SGCD: variants seen among roughly 807,000 people sequenced by gnomAD.
The protein encoded by SGCD is delta-sarcoglycan.
Under a neutral mutation model 36.6 loss-of-function variants are expected in SGCD, and 18 were observed. That is an observed-to-expected ratio of 0.49 (90% CI 0.34 to 0.73). The LOEUF is 0.73. SGCD is among the 30% of genes least tolerant of loss of function. The probability of loss-of-function intolerance (pLI) is 0.01; values close to 1 mark genes in which losing one functional copy is unlikely to be tolerated. For synonymous variants in SGCD, 133 were observed against 130.6 expected, an observed-to-expected ratio of 1.02 and a Z score of -0.12; for missense variants, 387 against 346.7, an observed-to-expected ratio of 1.12 and a Z score of -0.92.
chr5:156,536,289 G>A (rs1581132507), intron 4 of SGCD, among the ~76,000 whole-genome samples: 1 of 152,254 alleles, frequency 6.6e-6, no homozygotes, highest in East Asian at 1.9e-4. Flanking sequence ...TTGGTCTCTA[G>A]TTAGTGTGTG....
chr5:156,153,374 G>T (rs1157740098), intron 3 of SGCD, among the ~76,000 whole-genome samples: 1 of 151,344 alleles, frequency 6.6e-6, no homozygotes, highest in Non-Finnish European at 1.5e-5. Context: ...TTTAAAAACT[G>T]CATTTGCATT....
At chr5:155,960,302 A>G (rs551890145) in intron 1 of SGCD, among the ~76,000 whole-genome samples, 49 of 152,120 alleles carry the variant, frequency 3.2e-4, no homozygotes, top group Middle Eastern at 3.4e-3. Context: ...GGCCCAGGGG[A>G]GGCACTCAAA....
chr5:156,752,684 G>T (rs893720295), intron 7 of SGCD, among the ~76,000 whole-genome samples: 1 of 152,140 alleles, frequency 6.6e-6, no homozygotes, highest in East Asian at 1.9e-4. Flanking sequence ...GTGAGCTACC[G>T]TGCCGGCCAG....
At chr5:156,188,821 C>T (rs1166183287) in intron 3 of SGCD, among the ~76,000 whole-genome samples, 1 of 152,108 alleles carries the variant, frequency 6.6e-6, no homozygotes, top group Non-Finnish European at 1.5e-5. Flanking sequence ...TGAACAGACC[C>T]TTTTACAAAT....
chr5:155,984,441 G>T (rs1758289891), intron 1 of SGCD, among the ~76,000 whole-genome samples: 1 of 152,184 alleles, frequency 6.6e-6, no homozygotes, highest in African/African-American at 2.4e-5. Flanking sequence ...GGAACAGCTT[G>T]AGTATCATTT....
intron 3 of SGCD, among the ~76,000 whole-genome samples, chr5:156,223,225 G>A (rs1226909136): frequency 3.3e-5 from 5 of 152,034 alleles, no homozygotes; most frequent in Admixed American, 6.6e-5. Flanking sequence ...GAAAGTAGTG[G>A]CGTTCATGAC....
chr5:156,700,446 A>G (rs1033883116), intron 7 of SGCD, among the ~76,000 whole-genome samples: 1 of 152,148 alleles, frequency 6.6e-6, no homozygotes, highest in African/African-American at 2.4e-5. Flanking sequence ...TACCTGTGTG[A>G]CTACCATCTA....
chr5:156,709,827 G>A (rs1035505810), intron 7 of SGCD, among the ~76,000 whole-genome samples: 22 of 41,024 alleles, frequency 5.4e-4, no homozygotes, highest in African/African-American at 3.4e-3. Flanking sequence ...TGTTCCTGCC[G>A]CCCCCTCCCC....
At chr5:156,035,748 T>G (rs1759481303) in intron 1 of SGCD, among the ~76,000 whole-genome samples, 1 of 152,222 alleles carries the variant, frequency 6.6e-6, no homozygotes, top group African/African-American at 2.4e-5. Flanking sequence ...TACTTCCTGT[T>G]AACTTCCATT....
At chr5:156,069,916 A>G (rs577972296) in intron 1 of SGCD, among the ~76,000 whole-genome samples, 1 of 152,078 alleles carries the variant, frequency 6.6e-6, no homozygotes, top group South Asian at 2.1e-4. Context: ...TTCACTCATG[A>G]TTTGGCTCTC....
At chr5:156,263,410 G>A (rs1275723674) in intron 3 of SGCD, among the ~76,000 whole-genome samples, 3 of 151,928 alleles carry the variant, frequency 2.0e-5, no homozygotes, top group Admixed American at 6.6e-5. Context: ...TTTGAGAATT[G>A]TCTATTCATG....
intron 4 of SGCD, among the ~76,000 whole-genome samples, chr5:156,510,905 G>A (rs1380468964): frequency 6.6e-6 from 1 of 152,170 alleles, no homozygotes; most frequent in African/African-American, 2.4e-5. Flanking sequence ...CAGGGTACTG[G>A]GTGCATCTGT....
rs546769887 is a variant in SGCD, at chr5:155,912,538, G to A, written c.-282+42114G>A. 1.7e-4 allele frequency among the ~76,000 whole-genome samples: 26 copies of A among 152,224 alleles called. 1 individual carries two copies. In the South Asian group the frequency reaches 4.4e-3, roughly 26 times the overall value. On this transcript the variant is annotated intron_variant, in intron 1 of 9. Coordinates refer to the SGCD transcript ENST00000517913. ...AAGCGGCACAGTCTGCTCCGTGTGC[G>A]GCAACCACACAGTAAGTCATTTTGT...
chr5:156,286,925 T>C (rs1022369826), intron 3 of SGCD, among the ~76,000 whole-genome samples: 11 of 152,172 alleles, frequency 7.2e-5, no homozygotes, highest in Admixed American at 2.0e-4. Context: ...GGATGATCTC[T>C]TTTTTATCCT....
chr5:155,756,895 G>A, the SGCD span, among the ~76,000 whole-genome samples: 1 of 152,282 alleles, frequency 6.6e-6, no homozygotes. Flanking sequence ...CATGAGTATG[G>A]CATCAAACTA....
intron 6 of SGCD, among the ~76,000 whole-genome samples, chr5:156,643,766 A>G (rs1447635876): frequency 6.6e-6 from 1 of 152,156 alleles, no homozygotes; most frequent in African/African-American, 2.4e-5. Context: ...ATAATCTAAT[A>G]TGGGTATAAA....
At position 155,987,471 on chromosome 5, in the gene SGCD, C is replaced by T. The variant is rs76954270; in HGVS notation, c.-282+117047C>T. ...TGGTGTTTGTTACTCACAGTTTCTA[C>T]GAAACCCATCTCCCAGTCTGCTGCC... On this transcript the variant is annotated intron_variant, in intron 1 of 9. Coordinates refer to the SGCD transcript ENST00000517913. Among the ~76,000 whole-genome samples, 1,110 of 152,252 alleles carry T rather than the reference C, an allele frequency of 7.3e-3. 6 individuals are homozygous for T. The highest frequency in any genetic ancestry group is 0.011 in the Non-Finnish European group (776 of 68,006).
At chr5:156,443,914 T>C (rs192630593) in intron 3 of SGCD, among the ~76,000 whole-genome samples, 1 of 152,148 alleles carries the variant, frequency 6.6e-6, no homozygotes, top group South Asian at 2.1e-4. Flanking sequence ...GTAATTTTTC[T>C]AGTATCTTAT....
At chr5:155,967,804 A>G (rs1757932115) in intron 1 of SGCD, among the ~76,000 whole-genome samples, 1 of 152,072 alleles carries the variant, frequency 6.6e-6, no homozygotes, top group Non-Finnish European at 1.5e-5. Flanking sequence ...TTAATTTGGT[A>G]GAGATAGTGT....
Sources: gnomAD v4.1 joint callset for allele counts (sites outside exome capture counted in the v4.1 genomes callset) on GRCh38, gnomAD v4.1.1 for gene constraint, MANE v1.5 for transcripts, NCBI Gene and HGNC (gene_info 2026-07-23, HGNC 2026-07-21) for gene names.